The following CACNA2D3 variants were observed in gnomAD, a reference collection of about 807,000 sequenced individuals.
The protein encoded by CACNA2D3 is voltage-dependent calcium channel subunit alpha-2/delta-3.
CACNA2D3 carries 60 observed loss-of-function variants against 160.6 expected under a neutral mutation model. The ratio of observed to expected loss-of-function variants is 0.37; its 90% CI spans 0.30 to 0.46. The LOEUF is 0.46. Ranked by LOEUF, CACNA2D3 falls within the 20% of genes least tolerant of loss-of-function variation. The pLI is 1.00. For synonymous variants in CACNA2D3, 558 were observed against 492.9 expected (o/e 1.13, Z -1.75); for missense variants, 1,205 against 1,365.0 (o/e 0.88, Z 1.85).
chr3:54,934,507 T>C (rs1701281539), intron 27 of CACNA2D3, among the ~76,000 whole-genome samples: 1 of 152,204 alleles, frequency 6.6e-6, no homozygotes, highest in Non-Finnish European at 1.5e-5. Context: ...TTGAACTCCC[T>C]TTAGCAGGCC....
intron 3 of CACNA2D3, among the ~76,000 whole-genome samples, chr3:54,342,509 G>A (rs749553937): frequency 3.9e-5 from 6 of 152,140 alleles, no homozygotes; most frequent in Non-Finnish European, 5.9e-5. Flanking sequence ...GGGTGGATAG[G>A]AGTGGGGTAG....
intron 14 of CACNA2D3, among the ~76,000 whole-genome samples, chr3:54,822,767 TTTCTTTCTTTCTTTCTTTCTTTCC>T (rs1703643601): frequency 1.1e-5 from 1 of 91,930 alleles, no homozygotes; most frequent in Non-Finnish European, 2.2e-5. Flanking sequence ...TCTTTCTTTC[TTTCTTTCTTTCTTTCTTTCTTTCC>T]TTTCTTTCTT....
At chr3:54,225,200 G>A (rs981604446) in intron 2 of CACNA2D3, among the ~76,000 whole-genome samples, 3 of 151,882 alleles carry the variant, frequency 2.0e-5, no homozygotes, top group South Asian at 2.1e-4. Flanking sequence ...GAGAAGATGC[G>A]GTGTTTGGTT....
chr3:54,275,106 A>G (rs1365674456), intron 2 of CACNA2D3, among the ~76,000 whole-genome samples: 1 of 152,238 alleles, frequency 6.6e-6, no homozygotes, highest in Admixed American at 6.5e-5. Context: ...CGTCTTGGGC[A>G]GAGCCCTGCC....
At chr3:55,031,776 G>GA (rs1703695004) in intron 35 of CACNA2D3, among the ~76,000 whole-genome samples, 1 of 152,194 alleles carries the variant, frequency 6.6e-6, no homozygotes, top group Admixed American at 6.5e-5. Context: ...AATGGGTGGA[G>GA]AGGGTACAAG....
intron 2 of CACNA2D3, among the ~76,000 whole-genome samples, chr3:54,311,061 C>T (rs79057846): frequency 0.02 from 3,096 of 152,294 alleles, 91 homozygotes; most frequent in African/African-American, 0.071. Context: ...GCGATTTGAA[C>T]CCTGGCCAGT....
At chr3:54,645,091 G>A (rs557328500) in intron 11 of CACNA2D3, among the ~76,000 whole-genome samples, 2 of 152,330 alleles carry the variant, frequency 1.3e-5, no homozygotes, top group South Asian at 4.1e-4. Context: ...AAAGAAAAGA[G>A]GTTTAATTGA....
At chr3:54,285,572 T>G (rs993293334) in intron 2 of CACNA2D3, among the ~76,000 whole-genome samples, 10 of 152,098 alleles carry the variant, frequency 6.6e-5, no homozygotes, top group East Asian at 1.9e-4. Context: ...TGACAGCTTT[T>G]AAGAGAGTAG....
At chr3:54,149,919 CTCTCTCTCT>C (rs2107280649) in intron 2 of CACNA2D3, among the ~76,000 whole-genome samples, 2 of 91,760 alleles carry the variant, frequency 2.2e-5, no homozygotes, top group Non-Finnish European at 2.3e-5. Flanking sequence ...CTCTCTCTCT[CTCTCTCTCT>C]CTCCCTCCCT....
intron 3 of CACNA2D3, among the ~76,000 whole-genome samples, chr3:54,381,400 T>G (rs1426853580): frequency 6.6e-6 from 1 of 152,204 alleles, no homozygotes; most frequent in Admixed American, 6.5e-5. Flanking sequence ...TGTAGTAACA[T>G]TTTCCATTAC....
At chr3:55,007,927 T>A in intron 33 of CACNA2D3, 85 bp downstream of exon 33, 1 of 865,804 alleles carries the variant, frequency 1.2e-6, no homozygotes, top group Non-Finnish European at 1.7e-6. Context: ...TTGTGAGTCA[T>A]GCCTTCAATA....
intron 27 of CACNA2D3, among the ~76,000 whole-genome samples, chr3:54,953,753 C>T (rs956748272): frequency 1.3e-5 from 2 of 152,164 alleles, no homozygotes; most frequent in African/African-American, 2.4e-5. Flanking sequence ...CCTCTGCTAG[C>T]TTGACAGGCT....
At chr3:54,306,387 A>G (rs541183542) in intron 2 of CACNA2D3, among the ~76,000 whole-genome samples, 1 of 152,292 alleles carries the variant, frequency 6.6e-6, no homozygotes, top group Admixed American at 6.5e-5. Flanking sequence ...TCTTCAGACC[A>G]CCATAGAAAT....
intron 15 of CACNA2D3, 90 bp from the exon 16 acceptor site, chr3:54,838,478 C>G: frequency 9.8e-7 from 1 of 1,017,068 alleles, no homozygotes; most frequent in Admixed American, 1.7e-5. Context: ...GGGAAGGCAC[C>G]AGGCAGACGG....
chr3:54,143,535 T>C (rs1699973473), intron 2 of CACNA2D3, among the ~76,000 whole-genome samples: 2 of 152,244 alleles, frequency 1.3e-5, no homozygotes, highest in African/African-American at 4.8e-5. Context: ...AGGCTTGCTC[T>C]GTCGCCCAGG....
chr3:54,265,164 T>C (rs1575353571), intron 2 of CACNA2D3, among the ~76,000 whole-genome samples: 1 of 152,336 alleles, frequency 6.6e-6, no homozygotes, highest in South Asian at 2.1e-4. Flanking sequence ...CACCACACTG[T>C]CTTCCACAAT....
chr3:54,621,491 C>G (rs1698987137), intron 9 of CACNA2D3, among the ~76,000 whole-genome samples: 2 of 152,366 alleles, frequency 1.3e-5, no homozygotes, highest in Non-Finnish European at 2.9e-5. Flanking sequence ...GCAGCATATG[C>G]TGCGTGAGTC....
intron 23 of CACNA2D3, among the ~76,000 whole-genome samples, chr3:54,886,539 T>C (rs1699929769): frequency 1.8e-5 from 2 of 113,472 alleles, no homozygotes; most frequent in South Asian, 2.5e-4. Flanking sequence ...TGAGACATTA[T>C]AGATAAAGTT....
chr3:54,553,752 A>T (rs1477925224), intron 5 of CACNA2D3, among the ~76,000 whole-genome samples: 2 of 152,218 alleles, frequency 1.3e-5, no homozygotes, highest in Non-Finnish European at 2.9e-5. Flanking sequence ...TGGGGAAAAA[A>T]ATCAAGTGTG....
Sources: gnomAD v4.1 joint callset for allele counts (sites outside exome capture counted in the v4.1 genomes callset) on GRCh38, gnomAD v4.1.1 for gene constraint, MANE v1.5 for transcripts, NCBI Gene and HGNC (gene_info 2026-07-23, HGNC 2026-07-21) for gene names.